MAP3K20: variants seen among roughly 807,000 people sequenced by gnomAD.
MAP3K20 encodes the protein HCCS-4.
MAP3K20 carries 40 observed loss-of-function variants against 85.7 expected under a neutral mutation model. The observed-to-expected ratio is 0.47, with a 90% confidence interval of 0.36 to 0.61. MAP3K20 has a LOEUF of 0.61. Ranked by LOEUF, MAP3K20 falls within the 20% of genes least tolerant of loss-of-function variation. The pLI is 0.00. For missense variants in MAP3K20, 817 were observed against 961.7 expected (o/e 0.85, Z 1.99); for synonymous variants, 325 against 327.7 (o/e 0.99, Z 0.09).
At chr2:173,075,831 G>A (rs1356185965), upstream of MAP3K20, 5 of 985,322 alleles carry the variant, frequency 5.1e-6, no homozygotes, top group African/African-American at 8.7e-5. Context: ...TGGTGCTGTT[G>A]CCGTGACTGT....
chr2:173,201,066 C>A (rs1691043558), intron 8 of MAP3K20, among the ~76,000 whole-genome samples: 1 of 152,152 alleles, frequency 6.6e-6, no homozygotes, highest in Non-Finnish European at 1.5e-5. Context: ...TTACTCTTAC[C>A]CAGACAATAG....
intron 2 of MAP3K20, among the ~76,000 whole-genome samples, chr2:173,129,178 C>T (rs149867171): frequency 1.6e-4 from 24 of 152,172 alleles, no homozygotes; most frequent in African/African-American, 5.1e-4. Context: ...CTGCCCTCCT[C>T]GGCTTCCCAA....
chr2:173,185,410 C>T (rs1348979626), intron 4 of MAP3K20, among the ~76,000 whole-genome samples: 1 of 151,736 alleles, frequency 6.6e-6, no homozygotes, highest in African/African-American at 2.4e-5. Context: ...TAATACTTAA[C>T]ATTTAAAAAT....
At chr2:173,197,434 T>C (rs772446669) in intron 7 of MAP3K20, among the ~76,000 whole-genome samples, 5 of 152,146 alleles carry the variant, frequency 3.3e-5, no homozygotes, top group Non-Finnish European at 1.5e-5. Context: ...ATATTGTAGG[T>C]AGATGAAAAT....
intron 16 of MAP3K20, among the ~76,000 whole-genome samples, chr2:173,247,848 A>G (rs948778771): frequency 2.0e-5 from 3 of 152,202 alleles, no homozygotes; most frequent in Non-Finnish European, 4.4e-5. Context: ...AGAAATTAAC[A>G]TGAGGGTGAG....
intron 3 of MAP3K20, among the ~76,000 whole-genome samples, chr2:173,177,030 A>G (rs986650008): frequency 3.3e-5 from 5 of 152,214 alleles, no homozygotes; most frequent in African/African-American, 4.8e-5. Context: ...CACCTAAAAC[A>G]GGTCTCAAAG....
In MAP3K20 at chr2:173,266,774, T is replaced by C; in HGVS notation, c.*24T>C. Reference sequence around the variant, plus strand: ...GATGAATTGAACTACATAGCTTTTCTAAGCAGGTTAAAAAAAAAAAAAAAA... The same window carrying C: ...GATGAATTGAACTACATAGCTTTTCCAAGCAGGTTAAAAAAAAAAAAAAAA... On this transcript the variant is annotated 3_prime_UTR_variant, in exon 20 of 20. Coordinates refer to ENST00000375213, the MANE Select transcript of MAP3K20 (RefSeq NM_016653.3). 8.6e-7 allele frequency: 1 copy of C among 1,160,436 alleles called. No individual in the cohort carries two copies. Among genetic ancestry groups the C allele is most frequent in the Non-Finnish European group, 1.1e-6 (1 of 874,834 alleles). The allele number at this position is 1,160,436 out of a possible 1,614,324, so 71.9% of individuals were successfully genotyped here. A position where few individuals can be genotyped will look rare whatever the true frequency, so the allele number is the denominator to read the frequency against.
intron 2 of MAP3K20, among the ~76,000 whole-genome samples, chr2:173,099,446 A>C (rs2106158464): frequency 6.6e-6 from 1 of 151,430 alleles, no homozygotes; most frequent in South Asian, 2.1e-4. Flanking sequence ...CAGTCTCCCA[A>C]GTGGCTGAGA....
chr2:173,113,167 A>G (rs1424585509), intron 2 of MAP3K20, among the ~76,000 whole-genome samples: 1 of 151,988 alleles, frequency 6.6e-6, no homozygotes, highest in African/African-American at 2.4e-5. Context: ...ATCTCTTTCT[A>G]GTTTACGTGA....
rs1301721564 is a variant in MAP3K20 at position 173,226,766 on chromosome 2, T to C, written c.988-2923T>C. 5.1e-6 allele frequency: 5 copies of C among 985,538 alleles called. No individual in the cohort carries two copies. In the African/African-American group the frequency reaches 7.0e-5, roughly 14 times the overall value. The allele number at this position is 985,538 out of a possible 1,614,324, so 61.0% of individuals were successfully genotyped here. ...GTCAGATATGATACACTGCACATAT[T>C]GCTTTTGCACTCTTAAAATTTTTGT... On this transcript the variant is annotated intron_variant, in intron 11 of 19. Coordinates refer to ENST00000375213, the MANE Select transcript of MAP3K20 (RefSeq NM_016653.3).
At chr2:173,239,578 C>A in intron 16 of MAP3K20, 82 bp downstream of exon 16, 2 of 1,203,616 alleles carry the variant, frequency 1.7e-6, no homozygotes, top group Non-Finnish European at 1.2e-6. Context: ...GTTTTATACA[C>A]CCCCTACCAG....
chr2:173,233,549 C>A (rs1684576676), intron 14 of MAP3K20, among the ~76,000 whole-genome samples: 1 of 152,062 alleles, frequency 6.6e-6, no homozygotes, highest in African/African-American at 2.4e-5. Context: ...AGAATAAAAT[C>A]AGGTTTGCTC....
At chr2:173,228,819 T>C (rs76512509) in intron 11 of MAP3K20, among the ~76,000 whole-genome samples, 11 of 116,466 alleles carry the variant, frequency 9.4e-5, no homozygotes, top group African/African-American at 3.1e-4. Context: ...AACTCAACTT[T>C]TTTTTGAAAC....
At chr2:173,247,193 C>T (rs1022912658) in intron 16 of MAP3K20, among the ~76,000 whole-genome samples, 47 of 152,260 alleles carry the variant, frequency 3.1e-4, no homozygotes, top group Middle Eastern at 3.4e-3. Flanking sequence ...GTTAAAAATT[C>T]GGCTTTTTAC....
chr2:173,255,621 G>T (rs1385889726), intron 16 of MAP3K20, among the ~76,000 whole-genome samples: 1 of 152,176 alleles, frequency 6.6e-6, no homozygotes, highest in South Asian at 2.1e-4. Flanking sequence ...ACACAGAGCC[G>T]TTCTGACGGT....
chr2:173,265,347 T>C (rs6720459), intron 19 of MAP3K20, among the ~76,000 whole-genome samples: 16,456 of 152,324 alleles, frequency 0.11, 914 homozygotes, highest in South Asian at 0.17. Flanking sequence ...CACTGAAATA[T>C]AGCTTACTAA....
intron 2 of MAP3K20, among the ~76,000 whole-genome samples, chr2:173,111,223 A>G (rs1687965694): frequency 6.6e-6 from 1 of 152,140 alleles, no homozygotes. Context: ...GGCCATTTGC[A>G]TATCTTCTTT....
Position 173,239,387 on chromosome 2 carries a change from T to C in MAP3K20, c.1267-17T>C. On this transcript the variant is annotated splice_polypyrimidine_tract_variant and intron_variant, in intron 15 of 19. Coordinates refer to ENST00000375213, the MANE Select transcript of MAP3K20 (RefSeq NM_016653.3). ...AAACAACATCTAGAATAATTGGTGC[T>C]TGGTTTCCTGTTTTAGGACTCAGGA... 1 of 1,596,384 alleles carries C rather than the reference T, an allele frequency of 6.3e-7. No homozygotes were observed. The highest frequency in any genetic ancestry group is 1.1e-5 in the South Asian group (1 of 86,990).
At chr2:173,209,548 A>C in intron 9 of MAP3K20, 181 bp from the exon 10 acceptor site, 1 of 493,844 alleles carries the variant, frequency 2.0e-6, no homozygotes, top group Non-Finnish European at 3.5e-6. Flanking sequence ...AAAATAAAGA[A>C]TAGAGCTCCC....
Sources: gnomAD v4.1 joint callset for allele counts (sites outside exome capture counted in the v4.1 genomes callset) on GRCh38, gnomAD v4.1.1 for gene constraint, MANE v1.5 for transcripts, NCBI Gene and HGNC (gene_info 2026-07-23, HGNC 2026-07-21) for gene names.